RGS6: variants seen among roughly 807,000 people sequenced by gnomAD.
The protein encoded by RGS6 is regulator of G protein signaling 6.
RGS6 carries 30 observed loss-of-function variants against 78.5 expected under a neutral mutation model. The observed-to-expected ratio is 0.38, with a 90% CI of 0.29 to 0.52. The LOEUF is 0.52. RGS6 is among the 20% of genes least tolerant of loss of function. The probability of loss-of-function intolerance (pLI) is 0.85; values close to 1 mark genes in which losing one functional copy is unlikely to be tolerated. For synonymous variants in RGS6, 206 were observed against 206.0 expected (o/e 1.00, Z 0.00); for missense variants, 495 against 609.7 (o/e 0.81, Z 1.98).
rs142230890 is a variant in RGS6, at chr14:72,301,488, C to A, written c.85-50607C>A. ...AATGTGGAGAAGCTAAAACTGTGAT[C>A]CTGTTTCTCATTTTCTCTCTCACCA... On this transcript the variant is annotated intron_variant, in intron 2 of 17. Coordinates refer to ENST00000553525, the MANE Select transcript of RGS6 (RefSeq NM_001204424.2). 3.2e-4 allele frequency among the ~76,000 whole-genome samples: 49 copies of A among 152,078 alleles called. No individual in the cohort carries two copies. The East Asian group carries it at 9.5e-3, about 29-fold the overall frequency.
chr14:72,107,825 A>C (rs1029021694), intron 2 of RGS6, among the ~76,000 whole-genome samples: 3 of 152,130 alleles, frequency 2.0e-5, no homozygotes, highest in African/African-American at 7.2e-5. Flanking sequence ...TGTCATAATT[A>C]CTCATTTGCA....
intron 2 of RGS6, among the ~76,000 whole-genome samples, chr14:72,139,624 TATAG>T (rs1474981835): frequency 6.6e-6 from 1 of 152,220 alleles, no homozygotes; most frequent in African/African-American, 2.4e-5. Flanking sequence ...TAAAGTTGTT[TATAG>T]ATAGAGTTTC....
chr14:72,598,722 A>C, the RGS6 span, among the ~76,000 whole-genome samples: 1 of 152,224 alleles, frequency 6.6e-6, no homozygotes, highest in Non-Finnish European at 1.5e-5. Flanking sequence ...AGGCAGCCAG[A>C]TCTGTGGTCC....
chr14:72,568,884 T>A (rs1052052973), downstream of RGS6, among the ~76,000 whole-genome samples: 15 of 152,362 alleles, frequency 9.8e-5, no homozygotes, highest in Admixed American at 2.0e-4. Flanking sequence ...AGGGGCAGCC[T>A]CGTTCCTACA....
intron 2 of RGS6, among the ~76,000 whole-genome samples, chr14:72,277,718 A>G (rs1050314706): frequency 6.6e-6 from 1 of 152,154 alleles, no homozygotes; most frequent in Non-Finnish European, 1.5e-5. Context: ...GCTTGAGTTC[A>G]GGTGTTTGAG....
At chr14:71,876,031 C>G in the RGS6 span, among the ~76,000 whole-genome samples, 2 of 152,244 alleles carry the variant, frequency 1.3e-5, no homozygotes, top group East Asian at 1.9e-4. Flanking sequence ...AATTTCTGTT[C>G]TTTTACATTT....
intron 2 of RGS6, among the ~76,000 whole-genome samples, chr14:72,090,508 C>G (rs1428408958): frequency 6.6e-6 from 1 of 152,162 alleles, no homozygotes; most frequent in Non-Finnish European, 1.5e-5. Context: ...TCCCTGTCTC[C>G]CATCACCCCC....
intron 2 of RGS6, among the ~76,000 whole-genome samples, chr14:72,303,496 C>T (rs2066558330): frequency 6.6e-6 from 1 of 152,184 alleles, no homozygotes; most frequent in African/African-American, 2.4e-5. Flanking sequence ...GAGACTCTGT[C>T]TCAAAGCAAA....
chr14:72,236,472 C>G (rs189361763), intron 2 of RGS6, among the ~76,000 whole-genome samples: 1 of 152,196 alleles, frequency 6.6e-6, no homozygotes, highest in Non-Finnish European at 1.5e-5. Context: ...TTGACAAATG[C>G]ATACACCTGT....
chr14:72,345,919 C>A (rs1263151583), intron 2 of RGS6, among the ~76,000 whole-genome samples: 8 of 152,182 alleles, frequency 5.3e-5, no homozygotes, highest in Non-Finnish European at 1.2e-4. Flanking sequence ...ATGAAGCATG[C>A]ACATTTTGGA....
chr14:72,103,119 GTC>G (rs948892281), intron 2 of RGS6, among the ~76,000 whole-genome samples: 2 of 152,156 alleles, frequency 1.3e-5, no homozygotes, highest in African/African-American at 2.4e-5. Flanking sequence ...AATGGTACCT[GTC>G]TCTCAGGAAG....
At chr14:72,336,064 C>T (rs1392042773) in intron 2 of RGS6, among the ~76,000 whole-genome samples, 3 of 152,186 alleles carry the variant, frequency 2.0e-5, no homozygotes, top group Non-Finnish European at 4.4e-5. Flanking sequence ...ATCAAATTCA[C>T]CTTTTTCTTT....
the RGS6 span, among the ~76,000 whole-genome samples, chr14:71,877,504 C>A: frequency 1.1e-3 from 168 of 152,276 alleles, no homozygotes; most frequent in African/African-American, 4.0e-3. Flanking sequence ...ATGTAGTTCT[C>A]GTGCCATGGT....
chr14:72,020,487 G>T (rs973642406), intron 2 of RGS6, among the ~76,000 whole-genome samples: 1 of 152,152 alleles, frequency 6.6e-6, no homozygotes, highest in African/African-American at 2.4e-5. Context: ...GACCTTCATG[G>T]TGGGCACACC....
At chr14:72,402,358 A>T (rs1249824744) in intron 3 of RGS6, among the ~76,000 whole-genome samples, 1 of 152,212 alleles carries the variant, frequency 6.6e-6, no homozygotes, top group Non-Finnish European at 1.5e-5. Flanking sequence ...AGTAAAAGCA[A>T]CTTCGCATAT....
At chr14:72,137,346 A>G (rs995308556) in intron 2 of RGS6, among the ~76,000 whole-genome samples, 1 of 152,172 alleles carries the variant, frequency 6.6e-6, no homozygotes, top group African/African-American at 2.4e-5. Flanking sequence ...CTCACCCGCC[A>G]TTCTACACAG....
At chr14:72,203,633 T>A (rs1000813487) in intron 2 of RGS6, among the ~76,000 whole-genome samples, 1 of 152,088 alleles carries the variant, frequency 6.6e-6, no homozygotes, top group Non-Finnish European at 1.5e-5. Flanking sequence ...CACCTGGGCC[T>A]CTCCAAAGGG....
chr14:72,540,107 G>T lies in RGS6; in HGVS notation c.1422+13G>T. Reference sequence around the variant, plus strand: ...CACTCGCAGTGTGGTAAGTTCAGTCGGTTTTCTTCCCTCAGCTTTTCTTTT... The same window carrying T: ...CACTCGCAGTGTGGTAAGTTCAGTCTGTTTTCTTCCCTCAGCTTTTCTTTT... On this transcript the variant is annotated intron_variant, in intron 17 of 17. Transcript: ENST00000553525. 2 of 1,579,442 alleles carry T rather than the reference G, an allele frequency of 1.3e-6. No individual in the cohort carries two copies. Among genetic ancestry groups the T allele is most frequent in the Non-Finnish European group, 1.7e-6 (2 of 1,174,294 alleles).
chr14:72,050,271 T>C (rs930700277), intron 2 of RGS6, among the ~76,000 whole-genome samples: 1 of 152,358 alleles, frequency 6.6e-6, no homozygotes, highest in Admixed American at 6.5e-5. Flanking sequence ...AGTTTCACCA[T>C]CTGGAACTGC....
Sources: allele counts gnomAD v4.1 joint callset (sites outside exome capture counted in the v4.1 genomes callset), GRCh38; gene constraint gnomAD v4.1.1; transcripts MANE v1.5; gene names NCBI Gene and HGNC (gene_info 2026-07-23, HGNC 2026-07-21).